EFL1: variants seen among roughly 807,000 people sequenced by gnomAD.
The protein encoded by EFL1 is elongation factor-like GTPase 1.
Under a neutral mutation model 126.7 loss-of-function variants are expected in EFL1, and 76 were observed. The ratio of observed to expected loss-of-function variants is 0.60; its 90% CI spans 0.50 to 0.73. The LOEUF (loss-of-function observed/expected upper bound fraction) is 0.73, where lower values mean the gene tolerates loss of function less well. Ranked by LOEUF, EFL1 falls within the 30% of genes least tolerant of loss-of-function variation. The pLI is 0.00. For missense variants in EFL1, 1,128 were observed against 1,343.2 expected, an observed-to-expected ratio of 0.84 and a Z score of 2.50; for synonymous variants, 410 against 448.4, an observed-to-expected ratio of 0.91 and a Z score of 1.08.
chr15:82,205,177 T>C (rs556811037), intron 15 of EFL1, among the ~76,000 whole-genome samples: 1 of 152,222 alleles, frequency 6.6e-6, no homozygotes, highest in Non-Finnish European at 1.5e-5. Context: ...GAATAGCCTA[T>C]AGTCCCTCTG....
chr15:82,132,509 C>T (rs373213338), intron 19 of EFL1, among the ~76,000 whole-genome samples: 12 of 150,570 alleles, frequency 8.0e-5, no homozygotes, highest in African/African-American at 2.2e-4. Context: ...AAAGAGTCCC[C>T]GGAAGGAAAA....
chr15:82,256,980 T>C (rs1433204933), intron 3 of EFL1, among the ~76,000 whole-genome samples: 2 of 152,216 alleles, frequency 1.3e-5, no homozygotes, highest in Non-Finnish European at 2.9e-5. Context: ...TTCATATGAT[T>C]TGGAGAATAC....
chr15:82,230,774 T>A, intron 8 of EFL1, 74 bp downstream of exon 8: 1 of 1,483,596 alleles, frequency 6.7e-7, no homozygotes, highest in Non-Finnish European at 9.0e-7. Context: ...TTACATTTAT[T>A]AAAGATATTA....
At chr15:82,139,526 C>T (rs1247502835) in intron 18 of EFL1, among the ~76,000 whole-genome samples, 2 of 152,212 alleles carry the variant, frequency 1.3e-5, no homozygotes, top group African/African-American at 4.8e-5. Flanking sequence ...CTGCCTCACA[C>T]TCAGGAGGGA....
At chr15:82,190,580 A>T (rs958650854) in intron 15 of EFL1, among the ~76,000 whole-genome samples, 17 of 152,156 alleles carry the variant, frequency 1.1e-4, no homozygotes, top group Non-Finnish European at 1.9e-4. Context: ...TGGTCTCCAT[A>T]AAAAAAGGAG....
intron 18 of EFL1, among the ~76,000 whole-genome samples, chr15:82,151,131 T>C (rs970485971): frequency 6.6e-6 from 1 of 152,172 alleles, no homozygotes; most frequent in Non-Finnish European, 1.5e-5. Flanking sequence ...ACGCCTGTAA[T>C]CCCAGAACTT....
chr15:82,145,835 T>A (rs2073839379), intron 18 of EFL1, among the ~76,000 whole-genome samples: 1 of 85,972 alleles, frequency 1.2e-5, no homozygotes, highest in African/African-American at 4.9e-5. Context: ...AAACTCCATC[T>A]CAAAAAACCA....
chr15:82,138,026 T>C (rs757819106), intron 19 of EFL1, among the ~76,000 whole-genome samples: 15 of 152,184 alleles, frequency 9.9e-5, no homozygotes, highest in Non-Finnish European at 1.9e-4. Context: ...GCAATGTGGA[T>C]CTGTTAAGTT....
chr15:82,189,231 C>T (rs2074333016), intron 15 of EFL1, among the ~76,000 whole-genome samples: 2 of 152,130 alleles, frequency 1.3e-5, no homozygotes, highest in African/African-American at 4.8e-5. Flanking sequence ...GTATGATAAT[C>T]TTATGGGACC....
chr15:82,154,834 T>C (rs2073950638), intron 17 of EFL1, among the ~76,000 whole-genome samples: 1 of 152,194 alleles, frequency 6.6e-6, no homozygotes, highest in South Asian at 2.1e-4. Context: ...TGATTACAGT[T>C]CACTGCAGCC....
At chr15:82,214,050 A>G (rs1307418458) in intron 15 of EFL1, among the ~76,000 whole-genome samples, 1 of 152,214 alleles carries the variant, frequency 6.6e-6, no homozygotes, top group African/African-American at 2.4e-5. Context: ...CAATCACTCA[A>G]TAAATAGCTC....
Position 82,227,348 on chromosome 15 carries a change from T to C in EFL1, c.1192+102A>G, listed in dbSNP as rs953583646. 16 of 1,555,536 alleles carry C rather than the reference T, an allele frequency of 1.0e-5. No individual in the cohort carries two copies. The Admixed American group carries it at 1.2e-4, about 12-fold the overall frequency. ...TCTGTGGAAGTGGACATTTGGCAAA[T>C]TGGCCATTTAGCAAACTAGCGTTCA... On this transcript the variant is annotated intron_variant, in intron 11 of 19. Transcript: ENST00000268206.
In EFL1 at chr15:82,151,596, C is replaced by T; in HGVS notation, c.2858G>A (p.Cys953Tyr). 7 of 1,614,158 alleles carry T rather than the reference C, an allele frequency of 4.3e-6. No individual in the cohort carries two copies. Among genetic ancestry groups the T allele is most frequent in the Non-Finnish European group, 4.2e-6 (5 of 1,180,020 alleles). The change falls in exon 18 of 20, where the codon TGC becomes TAC. Residue 953 changes from cysteine (C) to tyrosine (Y), a missense_variant. By Grantham distance (194) the Cys-to-Tyr change is radical (BLOSUM62 -2). Coordinates refer to ENST00000268206, the MANE Select transcript of EFL1 (RefSeq NM_024580.6). ...SQKGESPLTD[C>Y]YGPFSGQLIA... ...TAGCTGTCCTGAGAAAGGTCCATAG[C>T]AGTCAGTGAGTGGAGATTCTCCTTT...
intron 3 of EFL1, among the ~76,000 whole-genome samples, chr15:82,254,618 T>C (rs1209626807): frequency 6.6e-6 from 1 of 152,220 alleles, no homozygotes; most frequent in Non-Finnish European, 1.5e-5. Flanking sequence ...GAGTGGCAAG[T>C]TTTAAGCCTT....
intron 4 of EFL1, among the ~76,000 whole-genome samples, chr15:82,245,136 G>A (rs1435600675): frequency 6.6e-6 from 1 of 151,926 alleles, no homozygotes; most frequent in Non-Finnish European, 1.5e-5. Context: ...CCCTCCACAG[G>A]AAATACTACT....
chr15:82,222,910 G>A (rs2074726590), intron 12 of EFL1, among the ~76,000 whole-genome samples: 1 of 152,162 alleles, frequency 6.6e-6, no homozygotes, highest in Non-Finnish European at 1.5e-5. Context: ...ATGTCAGGTT[G>A]GAAGGTGAAT....
chr15:82,255,035 C>G (rs1406258513), intron 3 of EFL1, among the ~76,000 whole-genome samples: 1 of 152,126 alleles, frequency 6.6e-6, no homozygotes, highest in Non-Finnish European at 1.5e-5. Context: ...TTGTACACTC[C>G]CTACCAGTAG....
At chr15:82,207,880 C>T (rs1301444963) in intron 15 of EFL1, among the ~76,000 whole-genome samples, 2 of 152,002 alleles carry the variant, frequency 1.3e-5, no homozygotes, top group Non-Finnish European at 1.5e-5. Flanking sequence ...CCGCCACACA[C>T]CCAGCTAATT....
At chr15:82,261,972 A>C (rs2075126321) in intron 1 of EFL1, 175 bp from the exon 2 acceptor site, 1 of 547,944 alleles carries the variant, frequency 1.8e-6, no homozygotes, top group Non-Finnish European at 3.2e-6. Context: ...CGAGCACTAA[A>C]GTCAGTATCC....
Sources: gnomAD v4.1 joint callset for allele counts (sites outside exome capture counted in the v4.1 genomes callset) on GRCh38, gnomAD v4.1.1 for gene constraint, MANE v1.5 for transcripts, NCBI Gene and HGNC (gene_info 2026-07-23, HGNC 2026-07-21) for gene names.